The following NFATC1 variants were observed in gnomAD, a reference collection of about 807,000 sequenced individuals.
The protein encoded by NFATC1 is nuclear factor of activated T-cells, cytoplasmic 1.
A neutral mutation model predicts 76.0 loss-of-function variants in NFATC1; 22 were observed. That is an observed-to-expected ratio of 0.29 (90% confidence interval 0.21 to 0.41). NFATC1 has a LOEUF of 0.41. NFATC1 is among the 10% of genes least tolerant of loss of function. NFATC1 has a pLI of 1.00. For synonymous variants in NFATC1, 704 were observed against 613.1 expected (o/e 1.15, Z -2.19); for missense variants, 1,357 against 1,337.7 (o/e 1.01, Z -0.23).
intron 9 of NFATC1, among the ~76,000 whole-genome samples, chr18:79,507,077 C>T (rs1362278293): frequency 5.9e-5 from 9 of 152,194 alleles, no homozygotes; most frequent in Admixed American, 5.2e-4. Context: ...CTCTTTGTTC[C>T]GAAACGGAGC....
At chr18:79,455,147 C>A (rs1427597541) in intron 6 of NFATC1, among the ~76,000 whole-genome samples, 1 of 152,236 alleles carries the variant, frequency 6.6e-6, no homozygotes, top group East Asian at 1.9e-4. Flanking sequence ...AGCTGAACAA[C>A]CTCCTTTTCT....
At chr18:79,420,546 G>GGT in intron 2 of NFATC1, among the ~76,000 whole-genome samples, 1 of 152,038 alleles carries the variant, frequency 6.6e-6, no homozygotes, top group South Asian at 2.1e-4. Context: ...AGAGGAAGAG[G>GGT]GGGATGCGTT....
chr18:79,477,781 C>T lies in NFATC1; in HGVS notation c.2093-8467C>T, dbSNP rs73969676. 5.4e-3 allele frequency among the ~76,000 whole-genome samples: 821 copies of T among 152,282 alleles called. 9 individuals carry two copies. The highest frequency in any genetic ancestry group is 0.018 in the African/African-American group (735 of 41,548). The stretch of plus-strand genomic sequence containing the variant: ...TGGAAGTCCGAGGTTGGGACTGGTA[C>T]GGTCGGGTTCTGGTGAGGACCATTC... On this transcript the variant is annotated intron_variant, in intron 8 of 9. Coordinates refer to ENST00000427363, the MANE Select transcript of NFATC1 (RefSeq NM_001278669.2).
intron 2 of NFATC1, among the ~76,000 whole-genome samples, chr18:79,430,333 T>C (rs774219570): frequency 4.6e-5 from 7 of 152,224 alleles, no homozygotes; most frequent in Non-Finnish European, 1.0e-4. Flanking sequence ...CTCTGTCTCT[T>C]AACTTTCCTG....
intron 1 of NFATC1, among the ~76,000 whole-genome samples, chr18:79,397,094 A>AC (rs1183183805): frequency 3.3e-5 from 5 of 151,424 alleles, no homozygotes; most frequent in African/African-American, 7.3e-5. Flanking sequence ...GGGCGCTGAG[A>AC]CCCCCCTGCG....
At chr18:79,511,241 A>G (rs908790191) in intron 9 of NFATC1, among the ~76,000 whole-genome samples, 2 of 152,160 alleles carry the variant, frequency 1.3e-5, no homozygotes, top group African/African-American at 4.8e-5. Context: ...CAGAAATTCA[A>G]TCTTGGGGTG....
intron 2 of NFATC1, 34 bp from the exon 3 acceptor site, chr18:79,433,545 T>G: frequency 6.2e-7 from 1 of 1,611,862 alleles, no homozygotes; most frequent in Non-Finnish European, 8.5e-7. Flanking sequence ...GTCTGTGTGG[T>G]GCTGAACGCC....
In NFATC1 at chr18:79,410,306, G is replaced by C. The variant is rs1277826798; in HGVS notation, c.128-97G>C. On this transcript the variant is annotated intron_variant, in intron 1 of 9. Coordinates refer to ENST00000427363, the MANE Select transcript of NFATC1 (RefSeq NM_001278669.2). The surrounding 1 kb of genome is among the most constrained non-coding windows in gnomAD (Gnocchi z 6.7). ...GAGGCCCGCTCCTTGGGGTCCGTTGGTCGAGGCCGGGGGTTGCTGGCCGGC... is the reference window on the plus strand; with the variant it reads ...GAGGCCCGCTCCTTGGGGTCCGTTGCTCGAGGCCGGGGGTTGCTGGCCGGC... The C allele has an allele frequency of 6.6e-7, 1 of 1,516,064 alleles. No individual in the cohort carries two copies. The highest frequency in any genetic ancestry group is 8.8e-7 in the Non-Finnish European group (1 of 1,136,964). 93.9% of individuals were successfully genotyped at this position (1,516,064 alleles called of 1,614,324 possible).
chr18:79,438,669 A>G (rs1189295527), intron 3 of NFATC1, among the ~76,000 whole-genome samples: 3 of 152,172 alleles, frequency 2.0e-5, no homozygotes, highest in Admixed American at 1.3e-4. Flanking sequence ...GAGTCTGCAA[A>G]GAGGTGAGGG....
intron 1 of NFATC1, among the ~76,000 whole-genome samples, chr18:79,397,831 T>C (rs909031487): frequency 1.3e-5 from 2 of 152,110 alleles, no homozygotes; most frequent in Non-Finnish European, 2.9e-5. Flanking sequence ...AGTGGCTAGT[T>C]TTCGTGTTTC....
At chr18:79,457,301 TCCAGGA>T (rs1600777204) in intron 6 of NFATC1, among the ~76,000 whole-genome samples, 2 of 152,132 alleles carry the variant, frequency 1.3e-5, no homozygotes, top group East Asian at 3.9e-4. Context: ...GCCCAGATGG[TCCAGGA>T]CCCCTAGAAT....
chr18:79,432,596 C>G (rs1471266285), intron 2 of NFATC1, among the ~76,000 whole-genome samples: 1 of 152,216 alleles, frequency 6.6e-6, no homozygotes, highest in Admixed American at 6.5e-5. Context: ...GCTGCAGCGG[C>G]CACAGAGCCT....
intron 3 of NFATC1, 68 bp downstream of exon 3, chr18:79,433,806 C>T (rs2086680643): frequency 1.9e-6 from 3 of 1,556,886 alleles, no homozygotes; most frequent in South Asian, 1.2e-5. Context: ...TTTGGAGCCA[C>T]AGCTAACTGT....
chr18:79,520,026 G>A (rs1006719261), intron 9 of NFATC1, among the ~76,000 whole-genome samples: 2 of 152,226 alleles, frequency 1.3e-5, no homozygotes, highest in African/African-American at 4.8e-5. Flanking sequence ...AGGAAGCGGG[G>A]ATGGAGGGCA....
chr18:79,396,090 T>C lies in NFATC1; in HGVS notation c.-135T>C. 1.8e-6 allele frequency: 2 copies of C among 1,098,008 alleles called. No individual in the cohort carries two copies. The highest frequency in any genetic ancestry group is 2.3e-6 in the Non-Finnish European group (2 of 881,476). The allele number at this position is 1,098,008 out of a possible 1,614,324, so 68.0% of individuals were successfully genotyped here. A position where few individuals can be genotyped will look rare whatever the true frequency, so the allele number is the denominator to read the frequency against. On this transcript the variant is annotated 5_prime_UTR_variant, in exon 1 of 10. The change abolishes an upstream ATG in the 5' untranslated region. Coordinates refer to ENST00000427363, the MANE Select transcript of NFATC1 (RefSeq NM_001278669.2). ...CGCCACGCGCGCACACGCCCCTCGA[T>C]GACTTTCCTCCGGGGCGCGCGGCGC...
In NFATC1 at chr18:79,482,336, A is replaced by G. The variant is rs1429298737; in HGVS notation, c.2093-3912A>G. 4.2e-5 allele frequency among the ~76,000 whole-genome samples: 5 copies of G among 119,406 alleles called. No homozygotes were observed. In the East Asian group the frequency reaches 8.8e-4, roughly 21 times the overall value. The allele number at this position is 119,406 out of a possible 152,430, so 78.3% of individuals were successfully genotyped here. A position where few individuals can be genotyped will look rare whatever the true frequency, so the allele number is the denominator to read the frequency against. The stretch of plus-strand genomic sequence containing the variant: ...GACCTGGTTCCTGGGGTGTCATTCC[A>G]GCGTGACCTGGTCCTGGGGTGTCAT... On this transcript the variant is annotated intron_variant, in intron 8 of 9. Coordinates refer to ENST00000427363, the MANE Select transcript of NFATC1 (RefSeq NM_001278669.2).
chr18:79,452,926 TG>T (rs2087535856), intron 6 of NFATC1, among the ~76,000 whole-genome samples: 1 of 152,094 alleles, frequency 6.6e-6, no homozygotes. Flanking sequence ...GCCTTGATAA[TG>T]GGGTCTTGAT....
chr18:79,398,720 G>A (rs1336041377), intron 1 of NFATC1, among the ~76,000 whole-genome samples: 1 of 152,252 alleles, frequency 6.6e-6, no homozygotes, highest in African/African-American at 2.4e-5. Flanking sequence ...GATGATAAGG[G>A]CTGTCATTTG....
chr18:79,519,749 C>T (rs888728203), intron 9 of NFATC1, among the ~76,000 whole-genome samples: 3 of 152,158 alleles, frequency 2.0e-5, no homozygotes, highest in Non-Finnish European at 4.4e-5. Flanking sequence ...ATTCTCAGAA[C>T]GTTGAAGGGA....
Sources: allele counts gnomAD v4.1 joint callset (sites outside exome capture counted in the v4.1 genomes callset), GRCh38; gene constraint gnomAD v4.1.1; non-coding constraint Gnocchi (gnomAD v3.1); transcripts MANE v1.5; gene names NCBI Gene and HGNC (gene_info 2026-07-23, HGNC 2026-07-21).